The following GPC5 variants were observed in gnomAD, a reference collection of about 807,000 sequenced individuals.
GPC5 encodes the protein glypican-5.
GPC5 carries 47 observed loss-of-function variants against 53.9 expected under a neutral mutation model. The ratio of observed to expected loss-of-function variants is 0.87; its 90% CI spans 0.69 to 1.11. The LOEUF (loss-of-function observed/expected upper bound fraction) is 1.11, where lower values mean the gene tolerates loss of function less well. GPC5 is among the 50% of genes most tolerant of loss of function. GPC5 has a pLI of 0.00. For missense variants in GPC5, 748 were observed against 713.1 expected, an observed-to-expected ratio of 1.05 and a Z score of -0.56; for synonymous variants, 286 against 263.3, an observed-to-expected ratio of 1.09 and a Z score of -0.84.
chr13:91,797,790 T>A (rs145478771), intron 5 of GPC5, among the ~76,000 whole-genome samples: 47 of 152,272 alleles, frequency 3.1e-4, no homozygotes, highest in Non-Finnish European at 6.0e-4. Context: ...TGCTGACAGC[T>A]GAGATGCTTG....
intron 6 of GPC5, among the ~76,000 whole-genome samples, chr13:91,977,424 A>G (rs910438947): frequency 6.6e-6 from 1 of 152,168 alleles, no homozygotes; most frequent in Non-Finnish European, 1.5e-5. Context: ...TTTTAGACAG[A>G]TATTTTTTCA....
chr13:91,454,923 T>C (rs1365651592), intron 2 of GPC5, among the ~76,000 whole-genome samples: 1 of 152,062 alleles, frequency 6.6e-6, no homozygotes, highest in East Asian at 1.9e-4. Flanking sequence ...CATTTAATCT[T>C]ATGCAGAGGG....
intron 7 of GPC5, among the ~76,000 whole-genome samples, chr13:92,481,202 G>A (rs1427845071): frequency 2.0e-5 from 3 of 151,776 alleles, no homozygotes; most frequent in Non-Finnish European, 2.9e-5. Context: ...CCAGGTTCAC[G>A]CCATTCTCCT....
At chr13:92,633,796 T>C (rs899433975) in intron 7 of GPC5, among the ~76,000 whole-genome samples, 2 of 152,082 alleles carry the variant, frequency 1.3e-5, no homozygotes, top group African/African-American at 4.8e-5. Context: ...ACACACACAA[T>C]TTGTTTCCTT....
chr13:92,358,864 G>A (rs985962636), intron 7 of GPC5, among the ~76,000 whole-genome samples: 4 of 151,716 alleles, frequency 2.6e-5, no homozygotes, highest in Admixed American at 2.6e-4. Context: ...GGCCTGTGAT[G>A]GGAGTAGCTA....
At chr13:92,568,795 A>G (rs1882936949) in intron 7 of GPC5, among the ~76,000 whole-genome samples, 1 of 152,108 alleles carries the variant, frequency 6.6e-6, no homozygotes, top group South Asian at 2.1e-4. Flanking sequence ...AAATCAGTGC[A>G]CAGAGAGGTT....
intron 7 of GPC5, among the ~76,000 whole-genome samples, chr13:92,797,179 G>A (rs545216378): frequency 1.3e-5 from 2 of 151,978 alleles, no homozygotes; most frequent in Non-Finnish European, 2.9e-5. Flanking sequence ...CTTGGTTTCT[G>A]ATTAAAGGAT....
At chr13:91,782,707 A>G (rs1449652719) in intron 5 of GPC5, among the ~76,000 whole-genome samples, 2 of 152,168 alleles carry the variant, frequency 1.3e-5, no homozygotes, top group African/African-American at 4.8e-5. Context: ...AAATTAGTTC[A>G]GTATTTTCCT....
chr13:92,399,682 C>G (rs573188878), intron 7 of GPC5, among the ~76,000 whole-genome samples: 3 of 152,126 alleles, frequency 2.0e-5, no homozygotes, highest in Admixed American at 6.6e-5. Context: ...CACAGCTTCA[C>G]GAGAAGCAAG....
chr13:92,696,889 G>A (rs1336095822), intron 7 of GPC5, among the ~76,000 whole-genome samples: 3 of 152,088 alleles, frequency 2.0e-5, no homozygotes, highest in Non-Finnish European at 4.4e-5. Context: ...GCATAAGGAA[G>A]GGATCCAGTT....
intron 7 of GPC5, among the ~76,000 whole-genome samples, chr13:92,521,455 G>T (rs1306050561): frequency 2.0e-5 from 3 of 151,994 alleles, no homozygotes; most frequent in African/African-American, 7.2e-5. Context: ...CAGAACAGAG[G>T]CCTCAGAGAT....
intron 7 of GPC5, among the ~76,000 whole-genome samples, chr13:92,464,123 C>A (rs1369910041): frequency 6.6e-6 from 1 of 152,136 alleles, no homozygotes; most frequent in Non-Finnish European, 1.5e-5. Context: ...ATAACTCAAT[C>A]AAAGTTATAC....
intron 6 of GPC5, among the ~76,000 whole-genome samples, chr13:91,928,124 G>A (rs574749366): frequency 4.6e-5 from 7 of 152,234 alleles, no homozygotes; most frequent in Admixed American, 2.0e-4. Flanking sequence ...ATGATCACTT[G>A]ACTGTGTTTA....
chr13:92,590,542 A>G (rs576810829), intron 7 of GPC5, among the ~76,000 whole-genome samples: 18 of 152,338 alleles, frequency 1.2e-4, no homozygotes, highest in African/African-American at 4.3e-4. Context: ...TTAATCTGCT[A>G]TCAGAGCTGA....
chr13:91,431,684 G>C (rs751999860), intron 1 of GPC5, among the ~76,000 whole-genome samples: 4 of 152,200 alleles, frequency 2.6e-5, no homozygotes, highest in Non-Finnish European at 5.9e-5. Context: ...ACTAATCAGA[G>C]GTGTGGGTTC....
At chr13:91,982,801 A>G (rs9301767) in intron 6 of GPC5, among the ~76,000 whole-genome samples, 9,806 of 152,200 alleles carry the variant, frequency 0.064, 1,079 homozygotes, top group African/African-American at 0.22. Flanking sequence ...TTGACATCCT[A>G]GGTAGTTTTG....
chr13:92,234,166 A>G (rs1439240705), intron 7 of GPC5, among the ~76,000 whole-genome samples: 1 of 152,158 alleles, frequency 6.6e-6, no homozygotes, highest in Non-Finnish European at 1.5e-5. Flanking sequence ...TCCTTTGGGT[A>G]TATACCCAGT....
intron 7 of GPC5, among the ~76,000 whole-genome samples, chr13:92,561,859 A>T (rs756548373): frequency 2.0e-5 from 3 of 152,094 alleles, no homozygotes; most frequent in Non-Finnish European, 4.4e-5. Flanking sequence ...GAGGAGATAA[A>T]GTTGTGGATA....
intron 2 of GPC5, among the ~76,000 whole-genome samples, chr13:91,530,517 A>G (rs1886295660): frequency 6.6e-6 from 1 of 152,358 alleles, no homozygotes; most frequent in Non-Finnish European, 1.5e-5. Flanking sequence ...CATTTTAAAC[A>G]TTGAAAAATC....
Sources: allele counts gnomAD v4.1 joint callset (sites outside exome capture counted in the v4.1 genomes callset), GRCh38; gene constraint gnomAD v4.1.1; transcripts MANE v1.5; gene names NCBI Gene and HGNC (gene_info 2026-07-23, HGNC 2026-07-21).